MYBPC1: variants seen among roughly 807,000 people sequenced by gnomAD.
The protein encoded by MYBPC1 is myosin binding protein C1.
A neutral mutation model predicts 147.1 loss-of-function variants in MYBPC1; 52 were observed. That is an observed-to-expected ratio of 0.35 (90% CI 0.28 to 0.45). The LOEUF is 0.45. MYBPC1 is among the 20% of genes least tolerant of loss of function. The probability of loss-of-function intolerance (pLI) is 1.00; values close to 1 mark genes in which losing one functional copy is unlikely to be tolerated. For synonymous variants in MYBPC1, 477 were observed against 475.9 expected (o/e 1.00, Z -0.03); for missense variants, 1,228 against 1,440.3 (o/e 0.85, Z 2.39).
intron 25 of MYBPC1, among the ~76,000 whole-genome samples, chr12:101,674,009 T>C (rs61935720): frequency 0.21 from 32,313 of 152,102 alleles, 3,863 homozygotes; most frequent in Middle Eastern, 0.34. Context: ...GCTGAGATCA[T>C]GCCACTGCAC....
At chr12:101,623,243 G>C (rs1004897013) in intron 3 of MYBPC1, among the ~76,000 whole-genome samples, 4 of 152,240 alleles carry the variant, frequency 2.6e-5, no homozygotes, top group Non-Finnish European at 5.9e-5. Context: ...GGAGGTTGAG[G>C]CACAAGAATT....
At chr12:101,672,643 T>A (rs981841507) in intron 24 of MYBPC1, among the ~76,000 whole-genome samples, 21 of 151,522 alleles carry the variant, frequency 1.4e-4, no homozygotes, top group Non-Finnish European at 2.5e-4. Flanking sequence ...AGGTCAGGAG[T>A]TCAAGACCAG....
intron 18 of MYBPC1, 95 bp downstream of exon 18, chr12:101,653,343 A>G: frequency 6.7e-7 from 1 of 1,489,056 alleles, no homozygotes; most frequent in Non-Finnish European, 9.2e-7. Context: ...AGATGAAGGT[A>G]GAAAACAAAT....
At chr12:101,614,377 T>G (rs926094227) in intron 1 of MYBPC1, 119 bp from the exon 2 acceptor site, 1 of 1,013,654 alleles carries the variant, frequency 9.9e-7, no homozygotes, top group Non-Finnish European at 1.5e-6. Context: ...CCTCCATCCC[T>G]CTTGTGAGTA....
At chr12:101,678,935 C>T (rs1037543193) in intron 28 of MYBPC1, among the ~76,000 whole-genome samples, 22 of 151,832 alleles carry the variant, frequency 1.4e-4, no homozygotes, top group Admixed American at 5.9e-4. Context: ...CTGAGGCAGG[C>T]GGATCACTTG....
rs541880956 is a variant in MYBPC1 at position 101,633,819 on chromosome 12, T to C, written c.557-735T>C. On this transcript the variant is annotated intron_variant, in intron 8 of 31. Transcript: ENST00000361466. ...GGGTCGGGTGCTGTCGATATTTCTGTATTAGGTGGGATCTGGGATCCTGGG... is the reference window on the plus strand; with the variant it reads ...GGGTCGGGTGCTGTCGATATTTCTGCATTAGGTGGGATCTGGGATCCTGGG... 2.0e-5 allele frequency among the ~76,000 whole-genome samples: 3 copies of C among 151,396 alleles called. No homozygotes were observed. In the East Asian group the frequency reaches 5.8e-4, roughly 29 times the overall value.
At chr12:101,681,592 ATTTTTTTTTTTTTTTTTTTT>A (rs869224775) in intron 29 of MYBPC1, among the ~76,000 whole-genome samples, 4 of 13,540 alleles carry the variant, frequency 3.0e-4, no homozygotes, top group East Asian at 1.9e-3. Flanking sequence ...ATATATATAT[ATTTTTTTTTTTTTTTTTTTT>A]TTTTTTTTTT....
intron 1 of MYBPC1, among the ~76,000 whole-genome samples, chr12:101,596,852 T>C (rs931063569): frequency 3.9e-5 from 6 of 152,232 alleles, no homozygotes; most frequent in African/African-American, 7.2e-5. Context: ...TATAAAAGCA[T>C]GTTGCTATTC....
intron 29 of MYBPC1, among the ~76,000 whole-genome samples, chr12:101,681,944 T>C (rs1020621850): frequency 3.3e-5 from 5 of 152,062 alleles, no homozygotes; most frequent in African/African-American, 1.2e-4. Flanking sequence ...CTGTATTCTT[T>C]CTTTCACAAT....
At chr12:101,681,555 C>CATATATATATATATATAT (rs1206495774) in intron 29 of MYBPC1, among the ~76,000 whole-genome samples, 1 of 23,168 alleles carries the variant, frequency 4.3e-5, no homozygotes, top group Non-Finnish European at 7.8e-5. Flanking sequence ...AAATAACTTT[C>CATATATATATATATATAT]ATATATATAT....
At chr12:101,633,948 G>T (rs533022053) in intron 8 of MYBPC1, among the ~76,000 whole-genome samples, 24 of 150,350 alleles carry the variant, frequency 1.6e-4, no homozygotes, top group Non-Finnish European at 3.0e-4. Flanking sequence ...CCAGGCTGGA[G>T]TGCAGTGGCG....
chr12:101,605,340 A>C (rs1287000639), intron 1 of MYBPC1, among the ~76,000 whole-genome samples: 3 of 152,234 alleles, frequency 2.0e-5, no homozygotes, highest in Non-Finnish European at 4.4e-5. Flanking sequence ...ATATGACCTG[A>C]GTTTGTTTTA....
At chr12:101,627,938 T>C in intron 5 of MYBPC1, 134 bp downstream of exon 5, 1 of 1,061,244 alleles carries the variant, frequency 9.4e-7, no homozygotes, top group Admixed American at 2.0e-5. Context: ...TTTCATTACG[T>C]TTCCTCTTAC....
At chr12:101,621,244 A>C (rs1887312031) in intron 3 of MYBPC1, among the ~76,000 whole-genome samples, 1 of 152,168 alleles carries the variant, frequency 6.6e-6, no homozygotes, top group Non-Finnish European at 1.5e-5. Context: ...CTTTGTAATG[A>C]ACTTTGTTAA....
chr12:101,682,789 G>GCATA, intron 30 of MYBPC1, 127 bp downstream of exon 30: 1 of 858,006 alleles, frequency 1.2e-6, no homozygotes, highest in Non-Finnish European at 1.9e-6. Context: ...GCAGCTCATG[G>GCATA]CATACAGTGC....
At chr12:101,652,537 T>C in intron 16 of MYBPC1, 141 bp from the exon 17 acceptor site, 1 of 667,320 alleles carries the variant, frequency 1.5e-6, no homozygotes, top group Non-Finnish European at 2.7e-6. Context: ...TCTCTCTCTC[T>C]CTCTCTCTTT....
intron 11 of MYBPC1, 152 bp from the exon 12 acceptor site, chr12:101,644,512 G>A (rs1892668862): frequency 8.6e-6 from 6 of 699,936 alleles, no homozygotes; most frequent in African/African-American, 1.8e-5. Context: ...CACAGTGTTC[G>A]AAATATAAAG....
chr12:101,633,763 G>C (rs1027417024), intron 8 of MYBPC1, among the ~76,000 whole-genome samples: 1 of 151,994 alleles, frequency 6.6e-6, no homozygotes, highest in African/African-American at 2.4e-5. Flanking sequence ...GTCCCACTGA[G>C]AGTGATGTCA....
intron 1 of MYBPC1, among the ~76,000 whole-genome samples, chr12:101,596,457 C>T (rs1475881580): frequency 3.3e-5 from 5 of 152,130 alleles, no homozygotes; most frequent in Admixed American, 2.0e-4. Flanking sequence ...TTAACCTCTC[C>T]GAAGTGTACC....
Sources: allele counts gnomAD v4.1 joint callset (sites outside exome capture counted in the v4.1 genomes callset), GRCh38; gene constraint gnomAD v4.1.1; transcripts MANE v1.5; gene names NCBI Gene and HGNC (gene_info 2026-07-23, HGNC 2026-07-21).